The following MTHFD2 variants were observed in gnomAD, a reference collection of about 807,000 sequenced individuals.
MTHFD2 encodes the protein bifunctional methylenetetrahydrofolate dehydrogenase/cyclohydrolase, mitochondrial.
In MTHFD2, 26 loss-of-function variants were observed where a neutral mutation model predicts 36.8. The ratio of observed to expected loss-of-function variants is 0.71; its 90% confidence interval spans 0.52 to 0.98. The LOEUF (loss-of-function observed/expected upper bound fraction) is 0.98. Ranked by LOEUF, MTHFD2 falls within the 50% of genes least tolerant of loss-of-function variation. MTHFD2 has a pLI of 0.00. For missense variants in MTHFD2, 373 were observed against 434.0 expected (o/e 0.86, Z 1.25); for synonymous variants, 164 against 155.2 (o/e 1.06, Z -0.42).
In MTHFD2 at chr2:74,205,861, C is replaced by T; in HGVS notation, c.258C>T (p.Leu86=). ...ATCCTGCAAGTCACTCCTATGTCCTCAACAAAACCAGGGCAGCTGCAGTTG... is the reference window on the plus strand; with the variant it reads ...ATCCTGCAAGTCACTCCTATGTCCTTAACAAAACCAGGGCAGCTGCAGTTG... ...GENPASHSYV[L]NKTRAAAVVG... is the part of the protein sequence containing the mutation. Residue 86 remains leucine, a synonymous_variant, in exon 2 of 8, where the codon CTC becomes CTT. Coordinates refer to ENST00000394053, the MANE Select transcript of MTHFD2 (RefSeq NM_006636.4). The T allele has an allele frequency of 6.2e-7, 1 of 1,613,716 alleles. No individual in the cohort carries two copies. Among genetic ancestry groups the T allele is most frequent in the Non-Finnish European group, 8.5e-7 (1 of 1,179,940 alleles).
chr2:74,208,525 T>A lies in MTHFD2; in HGVS notation c.410-44T>A, dbSNP rs901903941. 17 of 1,600,362 alleles carry A rather than the reference T, an allele frequency of 1.1e-5. No homozygotes were observed. In the East Asian group the frequency reaches 3.8e-4, roughly 36 times the overall value. ...TAAGCTGGAGTCAGGCAGTGCTGAC[T>A]ATGCGGTGGTGATTTAAGGCAACTG... On this transcript the variant is annotated intron_variant, in intron 3 of 7. Transcript: ENST00000394053.
chr2:74,213,711 A>C (rs1694363372), intron 7 of MTHFD2, among the ~76,000 whole-genome samples: 1 of 152,222 alleles, frequency 6.6e-6, no homozygotes, highest in Admixed American at 6.5e-5. Flanking sequence ...TCACTTTTAA[A>C]AAATTACTGT....
intron 3 of MTHFD2, among the ~76,000 whole-genome samples, 174 bp from the exon 4 acceptor site, chr2:74,208,395 G>T (rs1235025961): frequency 6.6e-6 from 1 of 152,206 alleles, no homozygotes; most frequent in Non-Finnish European, 1.5e-5. Context: ...AGACGATATT[G>T]GCTTTGCTAT....
At chr2:74,212,261 C>CTTT (rs1448398350) in intron 7 of MTHFD2, among the ~76,000 whole-genome samples, 2 of 42,230 alleles carry the variant, frequency 4.7e-5, no homozygotes, top group African/African-American at 1.3e-4. Flanking sequence ...TCGTTTCTTT[C>CTTT]TCTTTTTTTT....
At position 74,215,224 on chromosome 2, in the gene MTHFD2, C is replaced by G. The variant is rs1049169003; in HGVS notation, c.*982C>G. The G allele has an allele frequency of 1.3e-5, 2 of 152,516 alleles. No individual in the cohort carries two copies. Among genetic ancestry groups the G allele is most frequent in the African/African-American group, 4.8e-5 (2 of 41,412 alleles). 9.4% of individuals were successfully genotyped at this position (152,516 alleles called of 1,614,324 possible). ...AGTTTGAGTTACTATTGAATTTAAT[C>G]AGACTTTCTGATTAAAGGGTTTTCT... On this transcript the variant is annotated 3_prime_UTR_variant, in exon 8 of 8. Transcript: ENST00000394053.
intron 1 of MTHFD2, among the ~76,000 whole-genome samples, chr2:74,199,090 G>A (rs1401057712): frequency 1.3e-5 from 2 of 152,254 alleles, no homozygotes; most frequent in South Asian, 2.1e-4. Context: ...TTCCGACAGC[G>A]CCGGCCGCCT....
intron 1 of MTHFD2, among the ~76,000 whole-genome samples, chr2:74,203,928 T>TAGTTTAGTTTAGTTTAGTTTAGTTTAG (rs1463652033): frequency 2.1e-5 from 3 of 145,704 alleles, no homozygotes; most frequent in Non-Finnish European, 3.0e-5. Flanking sequence ...TAGTTTAGTT[T>TAGTTTAGTTTAGTTTAGTTTAGTTTAG]TTTGAGATGC....
In MTHFD2 at chr2:74,211,763, A is replaced by G; in HGVS notation, c.786A>G (p.Ala262=). The change falls in exon 7 of 8, where the codon GCA becomes GCG. Residue 262 remains alanine, a synonymous_variant. Coordinates refer to ENST00000394053, the MANE Select transcript of MTHFD2 (RefSeq NM_006636.4). ...CAGGTATTCCAAATCTGATCACAGC[A>G]GATATGATCAAGGAAGGAGCAGCAG... ...SAAGIPNLIT[A]DMIKEGAAVI... The G allele has an allele frequency of 6.2e-7, 1 of 1,611,428 alleles. No individual in the cohort carries two copies. Among genetic ancestry groups the G allele is most frequent in the Non-Finnish European group, 8.5e-7 (1 of 1,179,246 alleles).
chr2:74,211,683 A>G (rs1001138361), intron 6 of MTHFD2, 58 bp from the exon 7 acceptor site: 33 of 1,501,294 alleles, frequency 2.2e-5, no homozygotes, highest in Non-Finnish European at 2.9e-5. Flanking sequence ...GTTAGACAAG[A>G]ATCTGACAGG....
intron 5 of MTHFD2, 34 bp downstream of exon 5, chr2:74,210,083 T>C: frequency 2.6e-6 from 4 of 1,562,348 alleles, no homozygotes; most frequent in Non-Finnish European, 3.5e-6. Flanking sequence ...CACTGTCCTT[T>C]TTTCCCCATG....
At chr2:74,198,815 C>G (rs1693966905) in intron 1 of MTHFD2, 73 bp downstream of exon 1, 8 of 1,292,900 alleles carry the variant, frequency 6.2e-6, no homozygotes, top group Non-Finnish European at 8.4e-6. Flanking sequence ...GCCGGGCCCC[C>G]GAGGGACACC....
intron 4 of MTHFD2, 125 bp downstream of exon 4, chr2:74,208,846 A>C: frequency 1.0e-6 from 1 of 991,094 alleles, no homozygotes; most frequent in Non-Finnish European, 1.5e-6. Context: ...TTACTCCCCA[A>C]AGTTTACCTC....
chr2:74,202,789 G>T (rs765194851), intron 1 of MTHFD2, among the ~76,000 whole-genome samples: 1 of 151,574 alleles, frequency 6.6e-6, no homozygotes, highest in South Asian at 2.1e-4. Context: ...GCTTCCCGAA[G>T]TGTTGGGATT....
intron 7 of MTHFD2, among the ~76,000 whole-genome samples, chr2:74,213,064 C>T (rs940725164): frequency 2.0e-5 from 3 of 151,622 alleles, no homozygotes; most frequent in South Asian, 2.1e-4. Context: ...GCCACCATGC[C>T]GGCTAATTTT....
chr2:74,211,218 A>G lies in MTHFD2; in HGVS notation c.690A>G (p.Ile230Met). 6.2e-7 allele frequency: 1 copy of G among 1,606,038 alleles called. No individual in the cohort carries two copies. The highest frequency in any genetic ancestry group is 8.5e-7 in the Non-Finnish European group (1 of 1,174,774). ...TTCTAGGTGATGCCACTGTTACAAT[A>G]TCTCATCGATATACTCCCAAAGAGC... ...ERPGGDATVT[I>M]SHRYTPKEQL... The change falls in exon 6 of 8, where the codon ATA (isoleucine) becomes ATG (methionine). Residue 230 changes from isoleucine to methionine, a missense_variant. Around this residue, in one of 2 missense-constraint regions of MTHFD2, gnomAD observed 308 missense variants for 397.8 expected, o/e 0.77. Coordinates refer to ENST00000394053, the MANE Select transcript of MTHFD2 (RefSeq NM_006636.4).
chr2:74,211,815 C>A lies in MTHFD2; in HGVS notation c.838C>A (p.His280Asn). 1 of 1,611,648 alleles carries A rather than the reference C, an allele frequency of 6.2e-7. No homozygotes were observed. The highest frequency in any genetic ancestry group is 1.1e-5 in the South Asian group (1 of 90,940). The part of the protein sequence containing the change: ...AVIDVGINRV[H>N]DPVTAKPKLV... ...CATTGATGTGGGAATAAATAGAGTT[C>A]ACGATCCTGTAACTGCCAAACCCAA... Residue 280 changes from histidine (H) to asparagine (N), a missense_variant, in exon 7 of 8, where the codon CAC becomes AAC. This residue lies in a region of MTHFD2 where 308 missense variants were observed against 397.8 expected (regional missense o/e 0.77). Transcript: ENST00000394053.
chr2:74,207,280 C>T (rs1034153458), intron 2 of MTHFD2, among the ~76,000 whole-genome samples: 2 of 152,188 alleles, frequency 1.3e-5, no homozygotes, highest in African/African-American at 2.4e-5. Context: ...AGGCGCGTTC[C>T]ACCAAGCCTG....
At chr2:74,212,705 C>T (rs183662805) in intron 7 of MTHFD2, among the ~76,000 whole-genome samples, 63 of 152,226 alleles carry the variant, frequency 4.1e-4, no homozygotes, top group Non-Finnish European at 3.2e-4. Context: ...AGACTTATTT[C>T]ATAATTCAAG....
intron 6 of MTHFD2, chr2:74,211,527 A>G (rs1694303210): frequency 4.1e-6 from 2 of 485,074 alleles, no homozygotes; most frequent in Non-Finnish European, 7.0e-6. Context: ...ATTAATATTT[A>G]CTGTATAAAG....
Sources: allele counts gnomAD v4.1 joint callset (sites outside exome capture counted in the v4.1 genomes callset), GRCh38; gene constraint gnomAD v4.1.1; regional missense constraint gnomAD v4.1.1; transcripts MANE v1.5; gene names NCBI Gene and HGNC (gene_info 2026-07-23, HGNC 2026-07-21).